The following TRAF3 variants were observed in gnomAD, a reference collection of about 807,000 sequenced individuals.
TRAF3 encodes TNF receptor associated factor 3.
Under a neutral mutation model 62.3 loss-of-function variants are expected in TRAF3, and 13 were observed. That is an observed-to-expected ratio of 0.21 (90% CI 0.14 to 0.33). The LOEUF is 0.33. Among genes scored for constraint, TRAF3 ranks in the 10% least tolerant of loss-of-function variants. The pLI, the probability that TRAF3 is intolerant of heterozygous loss-of-function variation, is 1.00. For missense variants in TRAF3, 440 were observed against 741.8 expected, an observed-to-expected ratio of 0.59 and a Z score of 4.73; for synonymous variants, 269 against 283.4, an observed-to-expected ratio of 0.95 and a Z score of 0.51.
chr14:102,806,299 G>A (rs956813703), intron 1 of TRAF3, among the ~76,000 whole-genome samples: 1 of 152,134 alleles, frequency 6.6e-6, no homozygotes, highest in Admixed American at 6.5e-5. Context: ...CATAAGGTGA[G>A]GTACTTTCTA....
intron 11 of TRAF3, among the ~76,000 whole-genome samples, chr14:102,904,666 C>T (rs1451732457): frequency 6.6e-6 from 1 of 151,908 alleles, no homozygotes; most frequent in Non-Finnish European, 1.5e-5. Context: ...AAAAGTTAGC[C>T]GGGCATGGTG....
rs71119743 is a variant in TRAF3 at position 102,811,913 on chromosome 14, C to CTT, written c.-156-18392_-156-18391dup. Among the ~76,000 whole-genome samples, 80 of 47,068 alleles carry CTT rather than the reference C, an allele frequency of 1.7e-3. 12 individuals are homozygous for CTT. The highest frequency in any genetic ancestry group is 3.4e-3 in the South Asian group (2 of 594). 30.9% of individuals were successfully genotyped at this position (47,068 alleles called of 152,430 possible). A position where few individuals can be genotyped will look rare whatever the true frequency, so the allele number is the denominator to read the frequency against. ...TAGGCTTGTGCCACCATGCCTGGCC[C>CTT]TTTTTTTTTTTTTTTTTTTTTTTTT... On this transcript the variant is annotated intron_variant, in intron 1 of 11. Transcript: ENST00000392745.
chr14:102,778,735 G>A (rs753914655), intron 1 of TRAF3, among the ~76,000 whole-genome samples: 2 of 152,002 alleles, frequency 1.3e-5, no homozygotes, highest in Non-Finnish European at 2.9e-5. Context: ...CCTAGCATTT[G>A]CTGCGACTAC....
chr14:102,875,525 CTTG>C, intron 4 of TRAF3, 96 bp from the exon 5 acceptor site: 3 of 905,574 alleles, frequency 3.3e-6, no homozygotes, highest in South Asian at 2.8e-5. Context: ...GAGTTCCTCT[CTTG>C]TTTTTTTTTT....
chr14:102,792,292 T>C (rs538425854), intron 1 of TRAF3, among the ~76,000 whole-genome samples: 1 of 151,924 alleles, frequency 6.6e-6, no homozygotes, highest in East Asian at 1.9e-4. Flanking sequence ...CACACCCTGC[T>C]AATTTTTTAA....
At chr14:102,823,966 A>G (rs927269360) in intron 1 of TRAF3, among the ~76,000 whole-genome samples, 13 of 152,204 alleles carry the variant, frequency 8.5e-5, no homozygotes, top group African/African-American at 3.1e-4. Context: ...ATATTATTCC[A>G]TTGTGTGGAT....
chr14:102,900,152 G>A lies in TRAF3; in HGVS notation c.960+2751G>A, dbSNP rs191844650. Among the ~76,000 whole-genome samples, 1,142 of 140,920 alleles carry A rather than the reference G, an allele frequency of 8.1e-3. 21 individuals are homozygous for A. The highest frequency in any genetic ancestry group is 0.029 in the African/African-American group (1,062 of 36,150). The allele number at this position is 140,920 out of a possible 152,430, so 92.4% of individuals were successfully genotyped here. A position where few individuals can be genotyped will look rare whatever the true frequency, so the allele number is the denominator to read the frequency against. On this transcript the variant is annotated intron_variant, in intron 10 of 11. Transcript: ENST00000392745. ...CGAGATAGCGCCGCTGCAGTCAGGC[G>A]TGGGAGAAAGAGCAAGACTCCGTCT...
intron 1 of TRAF3, among the ~76,000 whole-genome samples, chr14:102,790,573 T>G (rs1379658685): frequency 6.6e-6 from 1 of 152,182 alleles, no homozygotes; most frequent in East Asian, 1.9e-4. Flanking sequence ...CAAGAGAGTC[T>G]GTGCAGGGGA....
At chr14:102,869,200 G>C (rs1888186212) in intron 2 of TRAF3, among the ~76,000 whole-genome samples, 1 of 152,252 alleles carries the variant, frequency 6.6e-6, no homozygotes, top group South Asian at 2.1e-4. Flanking sequence ...TGCACAGCAT[G>C]CTGGGTCAGG....
chr14:102,778,300 C>T (rs1897117066), intron 1 of TRAF3, among the ~76,000 whole-genome samples: 1 of 151,892 alleles, frequency 6.6e-6, no homozygotes, highest in Non-Finnish European at 1.5e-5. Context: ...GTCTTCCCCG[C>T]GGGCGCCAGG....
chr14:102,846,153 A>G (rs1474030376), intron 2 of TRAF3, among the ~76,000 whole-genome samples: 1 of 152,152 alleles, frequency 6.6e-6, no homozygotes, highest in African/African-American at 2.4e-5. Context: ...GCTTTAGAGT[A>G]TAAGCTAGCA....
intron 7 of TRAF3, among the ~76,000 whole-genome samples, chr14:102,887,110 A>T (rs1027605741): frequency 3.3e-5 from 5 of 152,186 alleles, no homozygotes; most frequent in Non-Finnish European, 7.3e-5. Flanking sequence ...CTTGATCAGG[A>T]TATGTCCAGT....
chr14:102,787,824 T>C, intron 1 of TRAF3, among the ~76,000 whole-genome samples: 1 of 151,670 alleles, frequency 6.6e-6, no homozygotes, highest in Admixed American at 6.6e-5. Context: ...TTTTTTTTTT[T>C]CCATAGCAGA....
chr14:102,853,956 C>G (rs959319417), intron 2 of TRAF3, among the ~76,000 whole-genome samples: 1 of 152,174 alleles, frequency 6.6e-6, no homozygotes, highest in Non-Finnish European at 1.5e-5. Context: ...TTCGCTTGCC[C>G]CAGCCTCTGG....
At chr14:102,872,519 T>G (rs909089698) in intron 4 of TRAF3, among the ~76,000 whole-genome samples, 3 of 152,200 alleles carry the variant, frequency 2.0e-5, no homozygotes, top group Non-Finnish European at 2.9e-5. Context: ...CTAGAGCCCG[T>G]GGGCGTCTCT....
At chr14:102,864,296 C>G (rs142767794) in intron 2 of TRAF3, among the ~76,000 whole-genome samples, 2,921 of 151,860 alleles carry the variant, frequency 0.019, 37 homozygotes, top group African/African-American at 0.022. Context: ...CTACAGGCAC[C>G]CGCCACCACG....
intron 2 of TRAF3, among the ~76,000 whole-genome samples, chr14:102,866,445 G>T (rs950466853): frequency 6.6e-6 from 1 of 152,108 alleles, no homozygotes. Context: ...TATAAATAGG[G>T]AAAAGACATC....
intron 1 of TRAF3, among the ~76,000 whole-genome samples, chr14:102,803,328 AG>A (rs1375136839): frequency 6.6e-6 from 1 of 152,134 alleles, no homozygotes; most frequent in East Asian, 1.9e-4. Flanking sequence ...GGTGCACATA[AG>A]GAGGCAGCGT....
intron 8 of TRAF3, 109 bp from the exon 9 acceptor site, chr14:102,891,216 A>G: frequency 9.8e-7 from 1 of 1,017,926 alleles, no homozygotes; most frequent in Non-Finnish European, 1.5e-6. Flanking sequence ...TGACGCAAAT[A>G]GGTCTCCCCT....
Sources: gnomAD v4.1 joint callset for allele counts (sites outside exome capture counted in the v4.1 genomes callset) on GRCh38, gnomAD v4.1.1 for gene constraint, MANE v1.5 for transcripts, NCBI Gene and HGNC (gene_info 2026-07-23, HGNC 2026-07-21) for gene names.